The following ZNF385D variants were observed in gnomAD, a reference collection of about 807,000 sequenced individuals.
The protein encoded by ZNF385D is zinc finger protein 659.
Under a neutral mutation model 35.8 loss-of-function variants are expected in ZNF385D, and 15 were observed. That is an observed-to-expected ratio of 0.42 (90% CI 0.28 to 0.64). ZNF385D has a LOEUF of 0.64. Among genes scored for constraint, ZNF385D ranks in the 30% least tolerant of loss-of-function variants. ZNF385D has a pLI of 0.23. For synonymous variants in ZNF385D, 212 were observed against 186.8 expected, an observed-to-expected ratio of 1.13 and a Z score of -1.10; for missense variants, 474 against 494.6, an observed-to-expected ratio of 0.96 and a Z score of 0.39.
At chr3:22,191,379 C>A (rs191398953) in intron 2 of ZNF385D, among the ~76,000 whole-genome samples, 1 of 151,600 alleles carries the variant, frequency 6.6e-6, no homozygotes, top group Non-Finnish European at 1.5e-5. Context: ...GCCAGCTACT[C>A]AGGAGGCTGA....
chr3:22,032,978 G>C (rs1048745057), intron 3 of ZNF385D, among the ~76,000 whole-genome samples: 2 of 152,078 alleles, frequency 1.3e-5, no homozygotes, highest in Admixed American at 6.6e-5. Flanking sequence ...GCATCATTCC[G>C]TTATAAAACT....
At chr3:22,039,228 C>A (rs1698515564) in intron 3 of ZNF385D, among the ~76,000 whole-genome samples, 1 of 138,652 alleles carries the variant, frequency 7.2e-6, no homozygotes, top group African/African-American at 2.7e-5. Flanking sequence ...TAACAATAAA[C>A]ACTGTTGATT....
intron 2 of ZNF385D, among the ~76,000 whole-genome samples, chr3:22,240,038 C>G (rs1699402653): frequency 6.7e-6 from 1 of 149,852 alleles, no homozygotes; most frequent in South Asian, 2.2e-4. Context: ...AAAATATTAC[C>G]CAGGTATGGT....
chr3:21,689,233 A>G (rs570422573), intron 1 of ZNF385D, among the ~76,000 whole-genome samples: 6 of 152,186 alleles, frequency 3.9e-5, no homozygotes, highest in Non-Finnish European at 7.4e-5. Flanking sequence ...ATACAGTACT[A>G]TAACAATAGA....
chr3:22,295,683 G>A lies in ZNF385D; in HGVS notation c.106+76767C>T, dbSNP rs545934689. Among the ~76,000 whole-genome samples, 47 of 152,060 alleles carry A rather than the reference G, an allele frequency of 3.1e-4. No individual in the cohort carries two copies. In the South Asian group the frequency reaches 7.7e-3, roughly 25 times the overall value. On this transcript the variant is annotated intron_variant, in intron 2 of 5. Coordinates refer to the ZNF385D transcript ENST00000494108. ...AAAATATAAACATAAAAGAAAATCCGCCCCCTTTTGATTACTTTATATGCA... is the reference window on the plus strand; with the variant it reads ...AAAATATAAACATAAAAGAAAATCCACCCCCTTTTGATTACTTTATATGCA...
intron 3 of ZNF385D, among the ~76,000 whole-genome samples, chr3:21,807,635 T>C (rs919064742): frequency 1.3e-5 from 2 of 152,168 alleles, no homozygotes; most frequent in African/African-American, 4.8e-5. Context: ...TTAAAATATA[T>C]TTAAATAACT....
intron 2 of ZNF385D, among the ~76,000 whole-genome samples, chr3:21,657,634 C>A (rs768645371): frequency 6.6e-6 from 1 of 151,908 alleles, no homozygotes; most frequent in East Asian, 1.9e-4. Flanking sequence ...ACTGTATTTA[C>A]GACGGCATTT....
chr3:21,970,193 C>G (rs1013159912), intron 3 of ZNF385D, among the ~76,000 whole-genome samples: 1 of 152,054 alleles, frequency 6.6e-6, no homozygotes, highest in African/African-American at 2.4e-5. Flanking sequence ...TTAAAACCAT[C>G]CAGGAAAACG....
intron 3 of ZNF385D, among the ~76,000 whole-genome samples, chr3:22,157,599 T>A (rs528130001): frequency 6.6e-6 from 1 of 152,292 alleles, no homozygotes; most frequent in African/African-American, 2.4e-5. Flanking sequence ...CTTTTATTAC[T>A]CTCCATTTAA....
At chr3:22,368,773 C>G (rs531115399) in intron 2 of ZNF385D, among the ~76,000 whole-genome samples, 3 of 152,300 alleles carry the variant, frequency 2.0e-5, no homozygotes, top group Admixed American at 2.0e-4. Flanking sequence ...ACCTCAAATA[C>G]TATCCCATTA....
At chr3:21,995,246 A>G (rs1043168909) in intron 3 of ZNF385D, among the ~76,000 whole-genome samples, 1 of 152,190 alleles carries the variant, frequency 6.6e-6, no homozygotes, top group Non-Finnish European at 1.5e-5. Context: ...TAGTTGTGTC[A>G]GGGTGGCCAA....
At chr3:21,529,460 G>C (rs1045114744) in intron 3 of ZNF385D, among the ~76,000 whole-genome samples, 3 of 151,910 alleles carry the variant, frequency 2.0e-5, no homozygotes, top group African/African-American at 7.3e-5. Context: ...ATTTTTCCTG[G>C]CTGTCCTTTC....
chr3:21,944,899 A>C (rs1055458216), intron 3 of ZNF385D, among the ~76,000 whole-genome samples: 12 of 152,108 alleles, frequency 7.9e-5, no homozygotes, highest in Non-Finnish European at 1.5e-4. Context: ...CTTCATCTTC[A>C]TTTTATAGAG....
At chr3:21,818,967 C>G (rs1014650291) in intron 3 of ZNF385D, among the ~76,000 whole-genome samples, 4 of 151,718 alleles carry the variant, frequency 2.6e-5, no homozygotes, top group African/African-American at 9.7e-5. Flanking sequence ...TTTTCATATT[C>G]AAAATTAAAC....
intron 3 of ZNF385D, among the ~76,000 whole-genome samples, chr3:21,802,702 CA>C (rs2125688434): frequency 6.6e-6 from 1 of 152,282 alleles, no homozygotes; most frequent in African/African-American, 2.4e-5. Context: ...AGTACAATCT[CA>C]CTATCTGTGT....
At chr3:21,577,783 T>C (rs1419788704) in intron 2 of ZNF385D, among the ~76,000 whole-genome samples, 6 of 151,984 alleles carry the variant, frequency 3.9e-5, no homozygotes, top group Non-Finnish European at 7.4e-5. Context: ...ATTTTTCATA[T>C]ACTTGTTGGC....
intron 3 of ZNF385D, among the ~76,000 whole-genome samples, chr3:21,801,372 T>G (rs1390031554): frequency 6.6e-6 from 1 of 152,188 alleles, no homozygotes; most frequent in African/African-American, 2.4e-5. Flanking sequence ...CTCTGCCATG[T>G]TTGAAGAGTT....
intron 3 of ZNF385D, among the ~76,000 whole-genome samples, chr3:21,827,397 G>A (rs1239727854): frequency 6.6e-6 from 1 of 151,982 alleles, no homozygotes; most frequent in Non-Finnish European, 1.5e-5. Context: ...ATTATTTTAA[G>A]CCTTTTACAT....
chr3:22,248,163 G>C (rs1256048876), intron 2 of ZNF385D, among the ~76,000 whole-genome samples: 1 of 152,084 alleles, frequency 6.6e-6, no homozygotes, highest in Non-Finnish European at 1.5e-5. Flanking sequence ...TTGTATTCTA[G>C]TGTAATCAAA....
Sources: allele counts gnomAD v4.1 joint callset (sites outside exome capture counted in the v4.1 genomes callset), GRCh38; gene constraint gnomAD v4.1.1; transcripts MANE v1.5; gene names NCBI Gene and HGNC (gene_info 2026-07-23, HGNC 2026-07-21).